ZDHHC7: variants seen among roughly 807,000 people sequenced by gnomAD.
ZDHHC7 encodes zDHHC palmitoyltransferase 7.
In ZDHHC7, 12 loss-of-function variants were observed where a neutral mutation model predicts 34.1. The observed-to-expected ratio is 0.35, with a 90% CI of 0.23 to 0.57. The LOEUF is 0.57. Ranked by LOEUF, ZDHHC7 falls within the 20% of genes least tolerant of loss-of-function variation. The pLI is 0.84. For synonymous variants in ZDHHC7, 185 were observed against 155.4 expected, an observed-to-expected ratio of 1.19 and a Z score of -1.42; for missense variants, 388 against 402.7, an observed-to-expected ratio of 0.96 and a Z score of 0.31.
At chr16:85,012,804 C>CTG (rs2072811575), upstream of ZDHHC7, among the ~76,000 whole-genome samples, 2 of 152,154 alleles carry the variant, frequency 1.3e-5, no homozygotes, top group Admixed American at 6.6e-5. Flanking sequence ...ACTCGGGAGG[C>CTG]TGAGGCAGGA....
chr16:84,991,330 G>A (rs541218928), intron 2 of ZDHHC7, among the ~76,000 whole-genome samples: 3 of 152,034 alleles, frequency 2.0e-5, no homozygotes, highest in South Asian at 2.1e-4. Context: ...TCTGTTGCCC[G>A]GCTGGAGTGC....
At chr16:85,007,267 A>G (rs1270080486) in intron 1 of ZDHHC7, among the ~76,000 whole-genome samples, 1 of 150,134 alleles carries the variant, frequency 6.7e-6, no homozygotes, top group Non-Finnish European at 1.5e-5. Flanking sequence ...CTACAAAAAT[A>G]CAAAAATTAG....
At chr16:84,985,281 C>G (rs1049442377) in intron 3 of ZDHHC7, among the ~76,000 whole-genome samples, 7 of 152,258 alleles carry the variant, frequency 4.6e-5, no homozygotes, top group African/African-American at 1.7e-4. Flanking sequence ...GCAAGGCGCT[C>G]TGTGCCACCT....
At chr16:85,003,292 A>G (rs544267664) in intron 1 of ZDHHC7, among the ~76,000 whole-genome samples, 1 of 152,290 alleles carries the variant, frequency 6.6e-6, no homozygotes, top group South Asian at 2.1e-4. Context: ...AGTGGTTCCT[A>G]TGGGCCGTGC....
intron 1 of ZDHHC7, among the ~76,000 whole-genome samples, chr16:84,996,794 T>C (rs8053010): frequency 0.63 from 95,415 of 151,284 alleles, 32,288 homozygotes; most frequent in African/African-American, 0.88. Context: ...TTTGGGAGGC[T>C]GAGGCGGGTG....
At chr16:85,019,700 A>G in the ZDHHC7 span, among the ~76,000 whole-genome samples, 2 of 152,160 alleles carry the variant, frequency 1.3e-5, no homozygotes, top group East Asian at 3.9e-4. Flanking sequence ...CCTGGGTGAC[A>G]GAGCAAGACT....
At position 84,974,436 on chromosome 16, in the gene ZDHHC7, G is replaced by A. The variant is rs1303122405; in HGVS notation, c.*1907C>T. Reference sequence around the variant, plus strand: ...ACCCCCTGAAAACACCACCATCCAGGAAGAACGGGCGCTTTGGAAGCCATT... The same window carrying A: ...ACCCCCTGAAAACACCACCATCCAGAAAGAACGGGCGCTTTGGAAGCCATT... On this transcript the variant is annotated 3_prime_UTR_variant, in exon 8 of 8. Transcript: ENST00000313732. 2 of 152,216 alleles carry A rather than the reference G, an allele frequency of 1.3e-5. No individual in the cohort carries two copies. The highest frequency in any genetic ancestry group is 2.9e-5 in the Non-Finnish European group (2 of 68,054). The allele number at this position is 152,216 out of a possible 1,614,324, so 9.4% of individuals were successfully genotyped here. A position where few individuals can be genotyped will look rare whatever the true frequency, so the allele number is the denominator to read the frequency against.
At chr16:84,988,889 C>T (rs922472565) in intron 3 of ZDHHC7, 1 of 1,551,320 alleles carries the variant, frequency 6.4e-7, no homozygotes, top group Admixed American at 2.0e-5. Flanking sequence ...AGGCAATATT[C>T]CAGTAAAAAT....
the ZDHHC7 span, among the ~76,000 whole-genome samples, chr16:85,023,517 G>A: frequency 6.6e-6 from 1 of 152,168 alleles, no homozygotes; most frequent in African/African-American, 2.4e-5. Flanking sequence ...ACAAACAAAG[G>A]AAAAATAGGC....
At chr16:85,004,632 C>G (rs943426775) in intron 1 of ZDHHC7, among the ~76,000 whole-genome samples, 7 of 149,440 alleles carry the variant, frequency 4.7e-5, no homozygotes, top group Non-Finnish European at 1.0e-4. Context: ...GCTGCTTGTT[C>G]TGCCATCACC....
intron 2 of ZDHHC7, among the ~76,000 whole-genome samples, chr16:84,993,814 T>C (rs2072540989): frequency 6.6e-6 from 1 of 152,148 alleles, no homozygotes; most frequent in South Asian, 2.1e-4. Context: ...GCAAACACCT[T>C]TGCAGCACCA....
Position 85,011,407 on chromosome 16 carries a change from C to G in ZDHHC7, c.-225G>C, listed in dbSNP as rs1259348100. On this transcript the variant is annotated 5_prime_UTR_variant, in exon 1 of 8. Transcript: ENST00000313732. Reference sequence around the variant, plus strand: ...GGCCGCGCTCATGGCCGGGCTGGAGCGGGCCCCGCGGCTCGGCTCGGCTTG... The same window carrying G: ...GGCCGCGCTCATGGCCGGGCTGGAGGGGGCCCCGCGGCTCGGCTCGGCTTG... 1.3e-5 allele frequency: 2 copies of G among 152,704 alleles called. No homozygotes were observed. Among genetic ancestry groups the G allele is most frequent in the East Asian group, 1.9e-4 (1 of 5,160 alleles). The allele number at this position is 152,704 out of a possible 1,614,324, so 9.5% of individuals were successfully genotyped here. A position where few individuals can be genotyped will look rare whatever the true frequency, so the allele number is the denominator to read the frequency against.
chr16:84,977,970 G>T lies in ZDHHC7; in HGVS notation c.573C>A (p.Ile191=). ...AGGAGATGAACTGAAATCCACAAAG[G>T]ATCAGAGCATGGACTGAAGACAGAG... ...YIALSSVHAL[I]LCGFQFISCV... The change falls in exon 6 of 8, where the codon ATC becomes ATA. Residue 191 remains isoleucine, a synonymous_variant. Coordinates refer to ENST00000313732, the MANE Select transcript of ZDHHC7 (RefSeq NM_017740.3). The T allele has an allele frequency of 1.9e-6, 3 of 1,614,050 alleles. No individual in the cohort carries two copies. The highest frequency in any genetic ancestry group is 2.5e-6 in the Non-Finnish European group (3 of 1,179,964).
chr16:84,977,512 C>G (rs1597528496), intron 6 of ZDHHC7, among the ~76,000 whole-genome samples: 1 of 152,204 alleles, frequency 6.6e-6, no homozygotes, highest in Non-Finnish European at 1.5e-5. Context: ...TGAAGCCAGA[C>G]CAGAAGAGTT....
chr16:84,991,100 T>TAAGTC (rs2072503806), intron 2 of ZDHHC7, among the ~76,000 whole-genome samples: 1 of 152,166 alleles, frequency 6.6e-6, no homozygotes, highest in African/African-American at 2.4e-5. Flanking sequence ...GAATGACGAG[T>TAAGTC]AAGTCACTGG....
At chr16:85,002,254 CCCT>C (rs1567505066) in intron 1 of ZDHHC7, among the ~76,000 whole-genome samples, 1 of 152,096 alleles carries the variant, frequency 6.6e-6, no homozygotes, top group African/African-American at 2.4e-5. Flanking sequence ...TGCTCCCCAC[CCCT>C]CAAGTATGGC....
At position 84,980,830 on chromosome 16, in the gene ZDHHC7, C is replaced by T. The variant is rs72801596; in HGVS notation, c.440+1040G>A. 5.7e-3 allele frequency among the ~76,000 whole-genome samples: 864 copies of T among 152,302 alleles called. 6 individuals carry two copies. Among genetic ancestry groups the T allele is most frequent in the Non-Finnish European group, 9.5e-3 (647 of 68,020 alleles). On this transcript the variant is annotated intron_variant, in intron 4 of 7. Coordinates refer to ENST00000313732, the MANE Select transcript of ZDHHC7 (RefSeq NM_017740.3). ...ACCTCACCCCATATGCAGTCACTGC[C>T]TATTTCTAACCCCAGCCCAAAACAG... is the stretch of plus-strand genomic sequence containing the variant.
Position 84,990,601 on chromosome 16 carries a change from G to C in ZDHHC7, c.18C>G (p.His6Gln), listed in dbSNP as rs749549132. 5.6e-6 allele frequency: 9 copies of C among 1,613,694 alleles called. No homozygotes were observed. The South Asian group carries it at 8.8e-5, about 16-fold the overall frequency. The change falls in exon 3 of 8, where the codon CAC becomes CAG. Residue 6 changes from histidine (H) to glutamine (Q), a missense_variant. Coordinates refer to ENST00000313732, the MANE Select transcript of ZDHHC7 (RefSeq NM_017740.3). MQPSGHRLRDVEHHPL... is the reference protein window; with the variant it reads MQPSGQRLRDVEHHPL... Reference sequence around the variant, plus strand: ...GATGATGCTCGACGTCCCGGAGCCTGTGTCCTGATGGCTGCATGATTTCCC... The same window carrying C: ...GATGATGCTCGACGTCCCGGAGCCTCTGTCCTGATGGCTGCATGATTTCCC...
intron 2 of ZDHHC7, among the ~76,000 whole-genome samples, chr16:84,992,666 G>T (rs1444821874): frequency 2.0e-5 from 3 of 152,104 alleles, no homozygotes; most frequent in African/African-American, 7.2e-5. Flanking sequence ...TTAACGAACT[G>T]ACCCGGGCAC....
Sources: gnomAD v4.1 joint callset for allele counts (sites outside exome capture counted in the v4.1 genomes callset) on GRCh38, gnomAD v4.1.1 for gene constraint, MANE v1.5 for transcripts, NCBI Gene and HGNC (gene_info 2026-07-23, HGNC 2026-07-21) for gene names.